C1orf21: variants seen among roughly 807,000 people sequenced by gnomAD.
C1orf21 encodes uncharacterized protein C1orf21.
C1orf21 carries 3 observed loss-of-function variants against 18.7 expected under a neutral mutation model. That is an observed-to-expected ratio of 0.16 (90% CI 0.07 to 0.42). The LOEUF (loss-of-function observed/expected upper bound fraction) is 0.42. C1orf21 is among the 10% of genes least tolerant of loss of function. C1orf21 has a pLI of 0.99. For synonymous variants in C1orf21, 41 were observed against 46.4 expected, an observed-to-expected ratio of 0.88 and a Z score of 0.47; for missense variants, 104 against 143.6, an observed-to-expected ratio of 0.72 and a Z score of 1.41.
intron 3 of C1orf21, among the ~76,000 whole-genome samples, chr1:184,523,630 G>A (rs1273913453): frequency 3.3e-5 from 5 of 152,156 alleles, no homozygotes; most frequent in African/African-American, 4.8e-5. Context: ...ATTGTGACAA[G>A]TGTATTATCT....
chr1:184,428,942 G>A (rs1281112807), intron 1 of C1orf21, among the ~76,000 whole-genome samples: 1 of 152,062 alleles, frequency 6.6e-6, no homozygotes, highest in Non-Finnish European at 1.5e-5. Context: ...TCAGGGCAGG[G>A]GCTGTGGTCA....
intron 1 of C1orf21, among the ~76,000 whole-genome samples, chr1:184,467,016 C>A (rs1029236491): frequency 5.9e-5 from 9 of 152,088 alleles, no homozygotes; most frequent in African/African-American, 1.9e-4. Context: ...CCTTTTCTGT[C>A]TTTTTAGGGA....
At chr1:184,425,685 C>G (rs1438185111) in intron 1 of C1orf21, among the ~76,000 whole-genome samples, 1 of 152,192 alleles carries the variant, frequency 6.6e-6, no homozygotes, top group Non-Finnish European at 1.5e-5. Flanking sequence ...GCCCTTTCCT[C>G]CCCTCTGTCA....
At chr1:184,517,550 G>GAAACCGGTAT (rs946555042) in intron 3 of C1orf21, among the ~76,000 whole-genome samples, 6 of 78,646 alleles carry the variant, frequency 7.6e-5, no homozygotes, top group African/African-American at 3.9e-4. Flanking sequence ...CAACAAGAGT[G>GAAACCGGTAT]AAATAGGCAA....
intron 2 of C1orf21, among the ~76,000 whole-genome samples, chr1:184,481,292 G>A (rs1657650183): frequency 1.3e-5 from 2 of 152,182 alleles, no homozygotes. Context: ...CAGCTGTGGT[G>A]ACACTTCTCT....
chr1:184,591,662 C>T (rs146207303), intron 4 of C1orf21, among the ~76,000 whole-genome samples: 9,978 of 151,998 alleles, frequency 0.066, 463 homozygotes, highest in African/African-American at 0.12. Flanking sequence ...AAAACTTAGC[C>T]GGGCATGGTG....
intron 1 of C1orf21, among the ~76,000 whole-genome samples, chr1:184,439,047 C>T (rs1656904410): frequency 2.0e-5 from 3 of 152,014 alleles, no homozygotes; most frequent in Non-Finnish European, 4.4e-5. Context: ...CCCATTTCTA[C>T]TAAAAATATA....
chr1:184,459,009 C>T (rs1408987387), intron 1 of C1orf21, among the ~76,000 whole-genome samples: 1 of 152,182 alleles, frequency 6.6e-6, no homozygotes, highest in East Asian at 1.9e-4. Context: ...CAATAGTAAT[C>T]ATATCTACTT....
chr1:184,561,321 C>T lies in C1orf21; in HGVS notation c.190-29418C>T, dbSNP rs545055920. On this transcript the variant is annotated intron_variant, in intron 3 of 5. Transcript: ENST00000235307. ...TCAGGGTGGAGCCAGGGAAGGATAC[C>T]TGCTGAACTTTGCCAAACCACCTTG... is the stretch of plus-strand genomic sequence containing the variant. Among the ~76,000 whole-genome samples the T allele has an allele frequency of 3.9e-5, 6 of 152,324 alleles. No homozygotes were observed. In the South Asian group the frequency reaches 1.2e-3, roughly 32 times the overall value.
chr1:184,560,133 G>A (rs1159022308), intron 3 of C1orf21, among the ~76,000 whole-genome samples: 1 of 152,004 alleles, frequency 6.6e-6, no homozygotes, highest in Admixed American at 6.6e-5. Flanking sequence ...TTATTTAAGG[G>A]GTTAGCAAGA....
intron 1 of C1orf21, among the ~76,000 whole-genome samples, chr1:184,442,846 T>G (rs1360665391): frequency 6.6e-6 from 1 of 152,224 alleles, no homozygotes; most frequent in Non-Finnish European, 1.5e-5. Context: ...ATGATTAATA[T>G]ACATTAATGT....
intron 1 of C1orf21, among the ~76,000 whole-genome samples, chr1:184,472,421 T>C (rs1245654376): frequency 2.0e-5 from 3 of 152,222 alleles, no homozygotes; most frequent in African/African-American, 7.2e-5. Context: ...GTATCACTTT[T>C]AATTCGTATT....
intron 5 of C1orf21, among the ~76,000 whole-genome samples, chr1:184,615,923 T>C (rs1659816002): frequency 6.6e-6 from 1 of 152,252 alleles, no homozygotes. Flanking sequence ...CCAAGAGTTA[T>C]CATTTCTTTG....
intron 5 of C1orf21, among the ~76,000 whole-genome samples, chr1:184,609,771 T>C (rs1659700314): frequency 6.6e-6 from 1 of 152,132 alleles, no homozygotes; most frequent in Non-Finnish European, 1.5e-5. Flanking sequence ...AAGATAACGT[T>C]AAGTGAAAAA....
At chr1:184,447,942 A>G (rs953423972) in intron 1 of C1orf21, among the ~76,000 whole-genome samples, 15 of 152,136 alleles carry the variant, frequency 9.9e-5, no homozygotes, top group African/African-American at 3.6e-4. Flanking sequence ...CTCCGTCCTC[A>G]GACCTATTTA....
intron 1 of C1orf21, among the ~76,000 whole-genome samples, chr1:184,407,702 A>T (rs1656269268): frequency 6.6e-6 from 1 of 152,002 alleles, no homozygotes; most frequent in Non-Finnish European, 1.5e-5. Flanking sequence ...TTTGTGGGGG[A>T]GTGGTGGGGG....
intron 3 of C1orf21, among the ~76,000 whole-genome samples, chr1:184,551,114 A>G (rs945355993): frequency 1.3e-5 from 2 of 152,222 alleles, no homozygotes; most frequent in African/African-American, 2.4e-5. Context: ...GCACAGACAG[A>G]CAGCATACAG....
At chr1:184,437,104 C>T (rs1380251517) in intron 1 of C1orf21, among the ~76,000 whole-genome samples, 2 of 152,116 alleles carry the variant, frequency 1.3e-5, no homozygotes, top group Non-Finnish European at 2.9e-5. Flanking sequence ...AAGAAATCCT[C>T]TTGACACTTT....
At chr1:184,593,032 CA>C (rs1443669288) in intron 4 of C1orf21, among the ~76,000 whole-genome samples, 4 of 152,186 alleles carry the variant, frequency 2.6e-5, no homozygotes. Context: ...CCTTTGGGGA[CA>C]GCAGATATCT....
Sources: allele counts gnomAD v4.1 joint callset (sites outside exome capture counted in the v4.1 genomes callset), GRCh38; gene constraint gnomAD v4.1.1; transcripts MANE v1.5; gene names NCBI Gene and HGNC (gene_info 2026-07-23, HGNC 2026-07-21).